The following USP30 variants were observed in gnomAD, a reference collection of about 807,000 sequenced individuals.
USP30 encodes ubiquitin specific peptidase 30, also known as ubiquitin carboxyl-terminal hydrolase 30.
In USP30, 41 loss-of-function variants were observed where a neutral mutation model predicts 68.2. The observed-to-expected ratio is 0.60, with a 90% CI of 0.47 to 0.78. USP30 has a LOEUF of 0.78. Among genes scored for constraint, USP30 ranks in the 30% least tolerant of loss-of-function variants. The pLI is 0.00. For synonymous variants in USP30, 229 were observed against 253.7 expected (o/e 0.90, Z 0.93); for missense variants, 522 against 649.4 (o/e 0.80, Z 2.13).
intron 6 of USP30, 121 bp from the exon 7 acceptor site, chr12:109,073,317 A>G: frequency 3.0e-6 from 2 of 677,462 alleles, no homozygotes; most frequent in Non-Finnish European, 5.2e-6. Flanking sequence ...ATTTCAATGT[A>G]CTTTTCAAGA....
chr12:109,054,286 T>G (rs1022814417), intron 1 of USP30, among the ~76,000 whole-genome samples: 2 of 152,168 alleles, frequency 1.3e-5, no homozygotes, highest in African/African-American at 4.8e-5. Flanking sequence ...TTTGGAAGGC[T>G]GAGGCAGGTG....
intron 3 of USP30, among the ~76,000 whole-genome samples, chr12:109,046,092 C>CTTTT (rs34629352): frequency 2.1e-5 from 1 of 46,770 alleles, no homozygotes; most frequent in Non-Finnish European, 4.3e-5. Context: ...GGAAGTCAGT[C>CTTTT]TTTTTTTTTT....
chr12:109,068,590 T>C (rs1365816720), intron 4 of USP30, among the ~76,000 whole-genome samples: 1 of 152,226 alleles, frequency 6.6e-6, no homozygotes, highest in Non-Finnish European at 1.5e-5. Context: ...TTTAAAATCC[T>C]CCTCTGGTAA....
At chr12:109,072,445 A>G in intron 6 of USP30, 95 bp downstream of exon 6, 4 of 1,203,030 alleles carry the variant, frequency 3.3e-6, no homozygotes, top group Non-Finnish European at 4.8e-6. Context: ...TTCTGGTGAC[A>G]TACAGGCCAG....
chr12:109,033,584 A>G, intron 3 of USP30, among the ~76,000 whole-genome samples: 1 of 152,240 alleles, frequency 6.6e-6, no homozygotes, highest in Non-Finnish European at 1.5e-5. Context: ...GGGTATGACA[A>G]GAATGACCAA....
intron 11 of USP30, among the ~76,000 whole-genome samples, chr12:109,084,367 T>C (rs2041888809): frequency 6.6e-6 from 1 of 152,224 alleles, no homozygotes; most frequent in Admixed American, 6.5e-5. Context: ...TATTACACGT[T>C]GGTATTCCTT....
chr12:109,030,677 C>T (rs56225739), intron 3 of USP30, among the ~76,000 whole-genome samples: 11,310 of 152,160 alleles, frequency 0.074, 886 homozygotes, highest in African/African-American at 0.19. Flanking sequence ...AGTGCAGTGG[C>T]GCTATCTTGG....
At chr12:109,071,498 G>A in intron 4 of USP30, 114 bp from the exon 5 acceptor site, 1 of 787,120 alleles carries the variant, frequency 1.3e-6, no homozygotes, top group Non-Finnish European at 2.1e-6. Context: ...GCCTTGAGAA[G>A]GTAGAAAGCA....
In USP30 at chr12:109,086,160, A is replaced by G. The variant is rs1410811036; in HGVS notation, c.*229A>G. On this transcript the variant is annotated 3_prime_UTR_variant, in exon 13 of 13. Coordinates refer to ENST00000257548, the MANE Select transcript of USP30 (RefSeq NM_032663.5). ...GTTCTGTTGTGTTAAGAAAGCATTCATTATGTCCGGAGTGTCTTTTTACTC... is the reference window on the plus strand; with the variant it reads ...GTTCTGTTGTGTTAAGAAAGCATTCGTTATGTCCGGAGTGTCTTTTTACTC... 7 of 543,600 alleles carry G rather than the reference A, an allele frequency of 1.3e-5. No individual in the cohort carries two copies. Among genetic ancestry groups the G allele is most frequent in the East Asian group, 3.0e-5 (1 of 32,832 alleles). 33.7% of individuals were successfully genotyped at this position (543,600 alleles called of 1,614,324 possible).
intron 4 of USP30, among the ~76,000 whole-genome samples, chr12:109,069,892 T>A (rs1010740580): frequency 2.0e-5 from 3 of 152,098 alleles, no homozygotes; most frequent in Non-Finnish European, 4.4e-5. Context: ...GTACAGAGCA[T>A]TCCAGACAGA....
chr12:109,052,797 G>T, intron 1 of USP30, 36 bp downstream of exon 1: 1 of 1,422,692 alleles, frequency 7.0e-7, no homozygotes, highest in Non-Finnish European at 9.2e-7. Context: ...CGAAGAGGCC[G>T]GGACCAGGGT....
chr12:109,049,911 C>T (rs548720066), upstream of USP30, among the ~76,000 whole-genome samples: 18 of 152,248 alleles, frequency 1.2e-4, no homozygotes, highest in East Asian at 3.5e-3. Flanking sequence ...GAAAATGGTG[C>T]CAATAGACTT....
At chr12:109,050,870 G>A (rs970658596), upstream of USP30, among the ~76,000 whole-genome samples, 2 of 152,074 alleles carry the variant, frequency 1.3e-5, no homozygotes, top group Non-Finnish European at 2.9e-5. Flanking sequence ...AGCCGGGCGT[G>A]GTGGTGTGCA....
chr12:109,067,808 G>C (rs2041308323), intron 4 of USP30, among the ~76,000 whole-genome samples, 181 bp downstream of exon 4: 1 of 152,158 alleles, frequency 6.6e-6, no homozygotes, highest in African/African-American at 2.4e-5. Context: ...AGATACAGCT[G>C]TTTTTCACTC....
chr12:109,055,463 C>T (rs1216889442), intron 1 of USP30, among the ~76,000 whole-genome samples: 6 of 123,908 alleles, frequency 4.8e-5, no homozygotes, highest in African/African-American at 1.2e-4. Flanking sequence ...AGTGCAGTGG[C>T]GCAATCTGGG....
chr12:109,037,393 T>C (rs971562990), intron 3 of USP30, among the ~76,000 whole-genome samples: 5 of 152,246 alleles, frequency 3.3e-5, no homozygotes, highest in Admixed American at 6.5e-5. Flanking sequence ...AGTCTTTGTT[T>C]CATAAGTTCA....
intron 1 of USP30, among the ~76,000 whole-genome samples, chr12:109,055,400 A>ATATATATTTTTTT (rs1298811530): frequency 4.1e-4 from 10 of 24,474 alleles, no homozygotes; most frequent in African/African-American, 1.1e-3. Context: ...ATATATATAT[A>ATATATATTTTTTT]TTTTTTTTTT....
chr12:109,033,849 C>T (rs146019668), intron 3 of USP30, among the ~76,000 whole-genome samples: 13 of 152,138 alleles, frequency 8.5e-5, no homozygotes, highest in South Asian at 4.2e-4. Flanking sequence ...TTAAGGAGTC[C>T]CTGGGTCACA....
intron 4 of USP30, among the ~76,000 whole-genome samples, chr12:109,069,585 G>C (rs944069101): frequency 2.6e-5 from 4 of 152,226 alleles, no homozygotes; most frequent in African/African-American, 9.6e-5. Context: ...GGGGACTGTC[G>C]AGGGCAATGG....
Sources: gnomAD v4.1 joint callset for allele counts (sites outside exome capture counted in the v4.1 genomes callset) on GRCh38, gnomAD v4.1.1 for gene constraint, MANE v1.5 for transcripts, NCBI Gene and HGNC (gene_info 2026-07-23, HGNC 2026-07-21) for gene names.